HMGA2: variants seen among roughly 807,000 people sequenced by gnomAD.
HMGA2 encodes high mobility group protein HMGI-C.
A neutral mutation model predicts 19.1 loss-of-function variants in HMGA2; 8 were observed. That is an observed-to-expected ratio of 0.42 (90% CI 0.25 to 0.76). HMGA2 has a LOEUF of 0.76. Among genes scored for constraint, HMGA2 ranks in the 30% least tolerant of loss-of-function variants. The probability of loss-of-function intolerance (pLI) is 0.28; values close to 1 mark genes in which losing one functional copy is unlikely to be tolerated. For missense variants in HMGA2, 109 were observed against 136.3 expected (o/e 0.80, Z 1.00); for synonymous variants, 60 against 48.8 (o/e 1.23, Z -0.96).
intron 3 of HMGA2, among the ~76,000 whole-genome samples, chr12:65,931,078 C>T (rs1320689690): frequency 3.9e-5 from 6 of 152,172 alleles, no homozygotes; most frequent in African/African-American, 1.2e-4. Flanking sequence ...GGCAAATCTG[C>T]GTTGAGCTGA....
intron 3 of HMGA2, among the ~76,000 whole-genome samples, chr12:65,844,843 G>A (rs1426090707): frequency 2.0e-5 from 3 of 152,200 alleles, no homozygotes; most frequent in African/African-American, 7.2e-5. Context: ...TTTCTCACTT[G>A]TGTGGAGTGG....
At chr12:65,873,215 A>G (rs1224905513) in intron 3 of HMGA2, among the ~76,000 whole-genome samples, 1 of 152,192 alleles carries the variant, frequency 6.6e-6, no homozygotes, top group Non-Finnish European at 1.5e-5. Context: ...TGTATTTTCA[A>G]TACAGAGCAT....
intron 3 of HMGA2, chr12:65,881,813 G>A (rs1035830502): frequency 1.4e-6 from 1 of 703,088 alleles, no homozygotes; most frequent in Non-Finnish European, 2.6e-6. Flanking sequence ...GCGCGCAAGT[G>A]GTGGGATGAC....
chr12:65,950,443 A>G (rs999781488), intron 3 of HMGA2, among the ~76,000 whole-genome samples: 1 of 152,208 alleles, frequency 6.6e-6, no homozygotes, highest in Admixed American at 6.5e-5. Context: ...AAGAAGCCAC[A>G]CACAAAAGAC....
chr12:65,844,865 C>T (rs1200997369), intron 3 of HMGA2, among the ~76,000 whole-genome samples: 1 of 152,208 alleles, frequency 6.6e-6, no homozygotes, highest in African/African-American at 2.4e-5. Context: ...AAATTCTAGA[C>T]AGGAGGTAGT....
At chr12:65,918,814 A>T (rs1292465315) in intron 3 of HMGA2, among the ~76,000 whole-genome samples, 1 of 152,176 alleles carries the variant, frequency 6.6e-6, no homozygotes, top group Non-Finnish European at 1.5e-5. Flanking sequence ...AAAGGTAACA[A>T]TGTTACTTAT....
At chr12:65,917,481 T>C (rs1187973958) in intron 3 of HMGA2, among the ~76,000 whole-genome samples, 2 of 152,258 alleles carry the variant, frequency 1.3e-5, no homozygotes, top group South Asian at 2.1e-4. Flanking sequence ...AAGACAGTGT[T>C]GGTTTAACGA....
intron 2 of HMGA2, among the ~76,000 whole-genome samples, chr12:65,831,693 G>C (rs771857041): frequency 3.3e-5 from 5 of 151,858 alleles, no homozygotes; most frequent in Non-Finnish European, 7.4e-5. Flanking sequence ...ACTACTTCAT[G>C]CTCCTTCTAA....
At chr12:65,838,187 G>T (rs1870815028) in intron 2 of HMGA2, among the ~76,000 whole-genome samples, 1 of 152,146 alleles carries the variant, frequency 6.6e-6, no homozygotes, top group South Asian at 2.1e-4. Context: ...AGAATGTGGG[G>T]ATAATGTTTT....
At chr12:65,902,624 T>C (rs1357828664) in intron 3 of HMGA2, among the ~76,000 whole-genome samples, 2 of 152,202 alleles carry the variant, frequency 1.3e-5, no homozygotes, top group African/African-American at 2.4e-5. Context: ...GATGGCCAGA[T>C]CCATTTTCTG....
At chr12:65,960,111 G>A (rs7138102) in intron 4 of HMGA2, among the ~76,000 whole-genome samples, 57,004 of 151,960 alleles carry the variant, frequency 0.38, 12,219 homozygotes, top group East Asian at 0.81. Context: ...GGATGGTCTC[G>A]ATCTCCTGAC....
intron 3 of HMGA2, among the ~76,000 whole-genome samples, chr12:65,918,952 A>G (rs1875205986): frequency 6.6e-6 from 1 of 152,184 alleles, no homozygotes; most frequent in Non-Finnish European, 1.5e-5. Context: ...AAGCACCTTG[A>G]GATGTAAAAA....
chr12:65,894,760 C>T (rs937793322), intron 3 of HMGA2, among the ~76,000 whole-genome samples: 9 of 152,044 alleles, frequency 5.9e-5, no homozygotes, highest in African/African-American at 1.9e-4. Context: ...GGAAGTACAC[C>T]CCAAGGTAGA....
chr12:65,889,170 A>G (rs910040425), intron 3 of HMGA2, among the ~76,000 whole-genome samples: 15 of 152,244 alleles, frequency 9.9e-5, no homozygotes, highest in African/African-American at 3.6e-4. Context: ...CCAATGTTCA[A>G]CTAGACATTT....
chr12:65,911,994 C>T (rs1174687929), intron 3 of HMGA2, among the ~76,000 whole-genome samples: 1 of 152,152 alleles, frequency 6.6e-6, no homozygotes, highest in East Asian at 1.9e-4. Flanking sequence ...CATATCTACA[C>T]TTATAGATAA....
chr12:65,952,291 A>T, intron 4 of HMGA2: 1 of 1,105,430 alleles, frequency 9.0e-7, no homozygotes, highest in Non-Finnish European at 1.3e-6. Flanking sequence ...ATGTAATTTT[A>T]AGTATCCATG....
chr12:65,922,828 C>T (rs1283686218), intron 3 of HMGA2, among the ~76,000 whole-genome samples: 1 of 152,112 alleles, frequency 6.6e-6, no homozygotes, highest in Non-Finnish European at 1.5e-5. Flanking sequence ...CCGGTCTTTC[C>T]TGTGCTATTC....
At chr12:65,840,218 C>A (rs746631996) in intron 3 of HMGA2, among the ~76,000 whole-genome samples, 7 of 152,144 alleles carry the variant, frequency 4.6e-5, no homozygotes, top group Non-Finnish European at 1.0e-4. Context: ...GCATAGTTAA[C>A]CACTCTAAAA....
intron 3 of HMGA2, among the ~76,000 whole-genome samples, chr12:65,855,458 T>TCTCTCACACACA (rs140365204): frequency 9.1e-4 from 128 of 140,234 alleles, no homozygotes; most frequent in African/African-American, 3.3e-3. Context: ...TCTCTCTCTC[T>TCTCTCACACACA]CACACACACA....
Sources: allele counts gnomAD v4.1 joint callset (sites outside exome capture counted in the v4.1 genomes callset), GRCh38; gene constraint gnomAD v4.1.1; transcripts MANE v1.5; gene names NCBI Gene and HGNC (gene_info 2026-07-23, HGNC 2026-07-21).